The following NRG1 variants were observed in gnomAD, a reference collection of about 807,000 sequenced individuals.
NRG1 encodes pro-neuregulin-1, membrane-bound isoform.
Under a neutral mutation model 63.8 loss-of-function variants are expected in NRG1, and 18 were observed. The observed-to-expected ratio is 0.28, with a 90% CI of 0.19 to 0.42. The LOEUF is 0.42. Among genes scored for constraint, NRG1 ranks in the 10% least tolerant of loss-of-function variants. The pLI is 1.00. For synonymous variants in NRG1, 302 were observed against 301.3 expected, an observed-to-expected ratio of 1.00 and a Z score of -0.02; for missense variants, 762 against 814.7, an observed-to-expected ratio of 0.94 and a Z score of 0.79.
chr8:32,543,601 T>A (rs763451076), upstream of NRG1, among the ~76,000 whole-genome samples: 2 of 152,160 alleles, frequency 1.3e-5, no homozygotes, highest in African/African-American at 2.4e-5. Context: ...TTTTAATCCA[T>A]GATATCAGTC....
At chr8:31,750,206 C>A (rs1413570635) in intron 1 of NRG1, among the ~76,000 whole-genome samples, 1 of 151,868 alleles carries the variant, frequency 6.6e-6, no homozygotes, top group Non-Finnish European at 1.5e-5. Context: ...GACTGTGGAG[C>A]CATTTTCCTA....
chr8:31,704,091 T>A (rs1226087638), intron 1 of NRG1, among the ~76,000 whole-genome samples: 1 of 152,202 alleles, frequency 6.6e-6, no homozygotes, highest in Non-Finnish European at 1.5e-5. Context: ...CTGACACATA[T>A]CAGATTTATG....
intron 1 of NRG1, among the ~76,000 whole-genome samples, chr8:31,676,704 AT>A (rs1213120198): frequency 6.6e-6 from 1 of 152,204 alleles, no homozygotes; most frequent in Non-Finnish European, 1.5e-5. Context: ...GGATTCTGGA[AT>A]CAGCAGCCAG....
At chr8:32,553,464 TAA>T (rs1283380694) in intron 1 of NRG1, among the ~76,000 whole-genome samples, 8 of 152,130 alleles carry the variant, frequency 5.3e-5, no homozygotes, top group African/African-American at 1.2e-4. Context: ...GAAAAGTGGA[TAA>T]GAGTGTCAAA....
intron 1 of NRG1, among the ~76,000 whole-genome samples, chr8:32,565,257 C>T (rs1473530902): frequency 6.6e-6 from 1 of 152,050 alleles, no homozygotes; most frequent in African/African-American, 2.4e-5. Context: ...TTAAAAATTT[C>T]CTGTATCCCA....
At chr8:32,367,268 GTTCCTTT>G (rs1808194493) in intron 1 of NRG1, among the ~76,000 whole-genome samples, 1 of 152,136 alleles carries the variant, frequency 6.6e-6, no homozygotes, top group South Asian at 2.1e-4. Context: ...ATGTATAAGA[GTTCCTTT>G]TTCCTTTTTC....
At chr8:32,390,613 A>AG (rs1157223261) in intron 1 of NRG1, among the ~76,000 whole-genome samples, 1 of 151,294 alleles carries the variant, frequency 6.6e-6, no homozygotes, top group Non-Finnish European at 1.5e-5. Context: ...AAAAAAAAAA[A>AG]AAAAAAGAAG....
intron 1 of NRG1, among the ~76,000 whole-genome samples, chr8:32,207,916 C>T (rs1267700843): frequency 6.6e-6 from 1 of 152,148 alleles, no homozygotes; most frequent in African/African-American, 2.4e-5. Flanking sequence ...TTCTCACTCC[C>T]TTTTGATGGA....
intron 1 of NRG1, among the ~76,000 whole-genome samples, chr8:32,310,846 T>C (rs1856735847): frequency 6.6e-6 from 1 of 152,168 alleles, no homozygotes; most frequent in Non-Finnish European, 1.5e-5. Flanking sequence ...CCGACCAAGC[T>C]TGGACTTCTT....
intron 1 of NRG1, among the ~76,000 whole-genome samples, chr8:32,068,442 A>T (rs970893517): frequency 2.8e-4 from 42 of 152,214 alleles, no homozygotes; most frequent in Admixed American, 4.6e-4. Flanking sequence ...ATGCCAGAAG[A>T]TGATGGATCC....
At chr8:31,645,676 T>A (rs1228124912) in intron 1 of NRG1, among the ~76,000 whole-genome samples, 1 of 152,172 alleles carries the variant, frequency 6.6e-6, no homozygotes, top group Non-Finnish European at 1.5e-5. Context: ...TAATTTTTGG[T>A]CTTCTTCAGG....
Position 32,069,440 on chromosome 8 carries a change from G to A in NRG1, c.37+430009G>A, listed in dbSNP as rs115838435. ...TTTTGGTCATCTGCCTAGAAGTAAGGTGCAGAAAATGCTTATACTTTGAAA... is the reference window on the plus strand; with the variant it reads ...TTTTGGTCATCTGCCTAGAAGTAAGATGCAGAAAATGCTTATACTTTGAAA... On this transcript the variant is annotated intron_variant, in intron 1 of 10. Coordinates refer to the NRG1 transcript ENST00000519301. 4.4e-3 allele frequency among the ~76,000 whole-genome samples: 672 copies of A among 152,266 alleles called. 4 individuals carry two copies. The highest frequency in any genetic ancestry group is 0.015 in the African/African-American group (641 of 41,558).
At chr8:32,721,389 G>A (rs1820591964) in intron 5 of NRG1, among the ~76,000 whole-genome samples, 1 of 152,106 alleles carries the variant, frequency 6.6e-6, no homozygotes, top group Non-Finnish European at 1.5e-5. Context: ...TCACCTTGTA[G>A]GAAGTCTACA....
At chr8:32,389,738 C>A (rs1303262643) in intron 1 of NRG1, among the ~76,000 whole-genome samples, 1 of 147,028 alleles carries the variant, frequency 6.8e-6, no homozygotes, top group Non-Finnish European at 1.5e-5. Context: ...GGTCCTGCAG[C>A]TTTTCTTTCA....
chr8:32,477,083 G>A (rs753969084), intron 1 of NRG1, among the ~76,000 whole-genome samples: 1 of 152,190 alleles, frequency 6.6e-6, no homozygotes, highest in Non-Finnish European at 1.5e-5. Context: ...GGGGAGAATT[G>A]ATGATTATGG....
At chr8:32,396,597 A>AT (rs1812463711) in intron 1 of NRG1, among the ~76,000 whole-genome samples, 2 of 152,020 alleles carry the variant, frequency 1.3e-5, no homozygotes, top group African/African-American at 2.4e-5. Flanking sequence ...TACAGGTGCC[A>AT]GCCACCACAC....
chr8:31,763,429 A>T (rs1257490311), intron 1 of NRG1, among the ~76,000 whole-genome samples: 1 of 152,204 alleles, frequency 6.6e-6, no homozygotes, highest in Non-Finnish European at 1.5e-5. Context: ...TTGCATCTAC[A>T]AGCTGGGTCC....
chr8:32,635,815 A>G (rs571519602), intron 5 of NRG1, among the ~76,000 whole-genome samples: 1 of 152,292 alleles, frequency 6.6e-6, no homozygotes, highest in African/African-American at 2.4e-5. Flanking sequence ...GTGAATGGGT[A>G]ACAATCATTT....
chr8:32,057,617 T>G (rs1823170923), intron 1 of NRG1, among the ~76,000 whole-genome samples: 1 of 152,166 alleles, frequency 6.6e-6, no homozygotes, highest in Admixed American at 6.6e-5. Context: ...TGTAAACTTT[T>G]AACTTCAAGA....
Sources: gnomAD v4.1 joint callset for allele counts (sites outside exome capture counted in the v4.1 genomes callset) on GRCh38, gnomAD v4.1.1 for gene constraint, MANE v1.5 for transcripts, NCBI Gene and HGNC (gene_info 2026-07-23, HGNC 2026-07-21) for gene names.